The following RAB11FIP4 variants were observed in gnomAD, a reference collection of about 807,000 sequenced individuals.
RAB11FIP4 encodes RAB11 family interacting protein 4.
A neutral mutation model predicts 74.3 loss-of-function variants in RAB11FIP4; 23 were observed. The observed-to-expected ratio is 0.31, with a 90% CI of 0.22 to 0.44. The LOEUF is 0.44. Among genes scored for constraint, RAB11FIP4 ranks in the 20% least tolerant of loss-of-function variants. RAB11FIP4 has a pLI of 1.00. For missense variants in RAB11FIP4, 630 were observed against 863.9 expected, an observed-to-expected ratio of 0.73 and a Z score of 3.39; for synonymous variants, 360 against 359.9, an observed-to-expected ratio of 1.00 and a Z score of 0.00.
At chr17:31,421,767 C>T (rs1387123390) in intron 1 of RAB11FIP4, among the ~76,000 whole-genome samples, 3 of 151,742 alleles carry the variant, frequency 2.0e-5, no homozygotes, top group African/African-American at 2.4e-5. Flanking sequence ...CTATGTTGGC[C>T]GGGCTGGTCT....
At chr17:31,441,128 G>A (rs373388261) in intron 3 of RAB11FIP4, among the ~76,000 whole-genome samples, 4 of 151,718 alleles carry the variant, frequency 2.6e-5, no homozygotes, top group East Asian at 2.0e-4. Context: ...AGGTCCAAGC[G>A]ATTCCCCTGC....
intron 3 of RAB11FIP4, among the ~76,000 whole-genome samples, chr17:31,505,953 G>C (rs1597965487): frequency 1.3e-5 from 2 of 148,324 alleles, no homozygotes; most frequent in Non-Finnish European, 3.0e-5. Flanking sequence ...CACCTGCCTT[G>C]GCCTCCCAAA....
rs2072707519 is a variant in RAB11FIP4, at chr17:31,523,531, A to G, written c.949A>G (p.Asn317Asp). ...CTGCAGGCAGCTCATGCACAGCAGCAACTTCAGCAGCAGCAATGGCAGCAC... is the reference window on the plus strand; with the variant it reads ...CTGCAGGCAGCTCATGCACAGCAGCGACTTCAGCAGCAGCAATGGCAGCAC... ...AFGRQLMHSS[N>D]FSSSNGSTED... The change falls in exon 8 of 15, where the codon AAC becomes GAC. Residue 317 changes from asparagine (N) to aspartate (D), a missense_variant. Physicochemically the swap from Asn to Asp is conservative, Grantham distance 23. Transcript: ENST00000621161. 1 of 1,613,958 alleles carries G rather than the reference A, an allele frequency of 6.2e-7. No homozygotes were observed. The highest frequency in any genetic ancestry group is 1.1e-5 in the South Asian group (1 of 91,088).
intron 1 of RAB11FIP4, among the ~76,000 whole-genome samples, chr17:31,426,453 G>A (rs2071250381): frequency 6.6e-6 from 1 of 152,102 alleles, no homozygotes; most frequent in Non-Finnish European, 1.5e-5. Flanking sequence ...TGGACTCCAA[G>A]CATTTGCAAT....
chr17:31,517,942 G>A (rs2072592040), intron 4 of RAB11FIP4, 65 bp downstream of exon 4: 1 of 1,309,584 alleles, frequency 7.6e-7, no homozygotes, highest in Non-Finnish European at 1.1e-6. Flanking sequence ...TTCTTGGAAA[G>A]TGTCTCCAGG....
intron 3 of RAB11FIP4, among the ~76,000 whole-genome samples, chr17:31,444,303 C>G (rs1038382606): frequency 6.6e-6 from 1 of 151,960 alleles, no homozygotes; most frequent in South Asian, 2.1e-4. Context: ...AGGGAAGCAG[C>G]CTTTCTACTT....
At chr17:31,455,421 A>G (rs1266161546) in intron 3 of RAB11FIP4, among the ~76,000 whole-genome samples, 3 of 152,214 alleles carry the variant, frequency 2.0e-5, no homozygotes, top group Non-Finnish European at 4.4e-5. Flanking sequence ...CCCTACTTTC[A>G]GGCACCTAAG....
chr17:31,457,230 T>C (rs1288356911), intron 3 of RAB11FIP4, among the ~76,000 whole-genome samples: 2 of 152,112 alleles, frequency 1.3e-5, no homozygotes, highest in Non-Finnish European at 2.9e-5. Context: ...TGTGTTCTCC[T>C]GGGGGACGAG....
intron 3 of RAB11FIP4, among the ~76,000 whole-genome samples, chr17:31,440,200 C>G (rs2071395105): frequency 6.6e-6 from 1 of 152,104 alleles, no homozygotes. Flanking sequence ...CTTATTTTTG[C>G]TTTTGGTGGG....
chr17:31,448,609 A>G (rs1346314018), intron 3 of RAB11FIP4: 1 of 152,024 alleles, frequency 6.6e-6, no homozygotes, highest in Non-Finnish European at 1.5e-5. Flanking sequence ...AGAAATGAGG[A>G]AATTTGACCC....
chr17:31,522,353 T>A lies in RAB11FIP4; in HGVS notation c.894-7T>A. The stretch of plus-strand genomic sequence containing the variant: ...CTGTTCAATGACTGTTTCCTTTCTC[T>A]CTCTAGCCCCAACCGAAAGATCTCC... On this transcript the variant is annotated splice_polypyrimidine_tract_variant and splice_region_variant and intron_variant, in intron 6 of 14. Transcript: ENST00000621161. The A allele has an allele frequency of 6.2e-7, 1 of 1,613,776 alleles. No homozygotes were observed. Among genetic ancestry groups the A allele is most frequent in the Non-Finnish European group, 8.5e-7 (1 of 1,179,822 alleles).
At chr17:31,447,608 C>A (rs1024741828) in intron 3 of RAB11FIP4, among the ~76,000 whole-genome samples, 3 of 152,094 alleles carry the variant, frequency 2.0e-5, no homozygotes, top group African/African-American at 7.2e-5. Flanking sequence ...CTGCAACCTC[C>A]GCCTCCCGGG....
chr17:31,484,268 G>A (rs955710854), intron 3 of RAB11FIP4, among the ~76,000 whole-genome samples: 3 of 151,504 alleles, frequency 2.0e-5, no homozygotes, highest in Admixed American at 6.6e-5. Flanking sequence ...ACAGGGTTTC[G>A]TCACGTTGGC....
At chr17:31,480,830 C>T (rs1434483417) in intron 3 of RAB11FIP4, among the ~76,000 whole-genome samples, 1 of 150,068 alleles carries the variant, frequency 6.7e-6, no homozygotes, top group African/African-American at 2.4e-5. Flanking sequence ...AGAAAATAGT[C>T]TCCCTGCCTC....
intron 1 of RAB11FIP4, among the ~76,000 whole-genome samples, chr17:31,402,829 G>A (rs777162870): frequency 3.3e-5 from 5 of 151,612 alleles, no homozygotes; most frequent in Non-Finnish European, 4.4e-5. Flanking sequence ...GTTTCACCGT[G>A]TTAGCCAGGA....
At chr17:31,517,206 TG>T (rs199757879) in intron 3 of RAB11FIP4, among the ~76,000 whole-genome samples, 3 of 20,288 alleles carry the variant, frequency 1.5e-4, no homozygotes, top group African/African-American at 2.7e-4. Flanking sequence ...GGGGGGGCGG[TG>T]GGGGGGGCGG....
chr17:31,476,949 C>T (rs918402472), intron 3 of RAB11FIP4, among the ~76,000 whole-genome samples: 16 of 152,240 alleles, frequency 1.1e-4, no homozygotes, highest in African/African-American at 3.1e-4. Flanking sequence ...CCAGCCCATC[C>T]GGTCTGCTGT....
At chr17:31,522,117 A>G in intron 6 of RAB11FIP4, 68 bp downstream of exon 6, 1 of 1,596,810 alleles carries the variant, frequency 6.3e-7, no homozygotes, top group African/African-American at 1.3e-5. Flanking sequence ...GGGAGAAGCT[A>G]CGGGCATGGC....
chr17:31,433,079 G>T (rs2071325515), intron 2 of RAB11FIP4, among the ~76,000 whole-genome samples: 1 of 152,198 alleles, frequency 6.6e-6, no homozygotes, highest in African/African-American at 2.4e-5. Context: ...CCAGGAAGTT[G>T]AGGCTGCAGT....
Sources: gnomAD v4.1 joint callset for allele counts (sites outside exome capture counted in the v4.1 genomes callset) on GRCh38, gnomAD v4.1.1 for gene constraint, MANE v1.5 for transcripts, NCBI Gene and HGNC (gene_info 2026-07-23, HGNC 2026-07-21) for gene names.